RBM47: variants seen among roughly 807,000 people sequenced by gnomAD.
RBM47 encodes the protein RNA-binding protein 47.
In RBM47, 21 loss-of-function variants were observed where a neutral mutation model predicts 47.1. The observed-to-expected ratio is 0.45, with a 90% CI of 0.32 to 0.64. The LOEUF (loss-of-function observed/expected upper bound fraction) is 0.64. Ranked by LOEUF, RBM47 falls within the 30% of genes least tolerant of loss-of-function variation. The probability of loss-of-function intolerance (pLI) is 0.05; values close to 1 mark genes in which losing one functional copy is unlikely to be tolerated. For missense variants in RBM47, 708 were observed against 870.9 expected (o/e 0.81, Z 2.35); for synonymous variants, 375 against 361.7 (o/e 1.04, Z -0.42).
chr4:40,544,594 C>G (rs1028057321), intron 1 of RBM47, 88 bp from the exon 2 acceptor site: 1 of 152,062 alleles, frequency 6.6e-6, no homozygotes. Context: ...ACTGGGAGAG[C>G]GGGTGAGAAG....
rs1553874353 is a variant in RBM47 at position 40,423,422 on chromosome 4, CTTTT to C, written c.*2478_*2481del. 1.3e-5 allele frequency: 2 copies of C among 149,882 alleles called. No individual in the cohort carries two copies. Among genetic ancestry groups the C allele is most frequent in the Admixed American group, 6.6e-5 (1 of 15,038 alleles). The allele number at this position is 149,882 out of a possible 1,614,324, so 9.3% of individuals were successfully genotyped here. The stretch of plus-strand genomic sequence containing the variant: ...AATGTTTGAAAACAGAACTCTAAAA[CTTTT>C]TTTTTACATTTATATAGTTTGTTCT... On this transcript the variant is annotated 3_prime_UTR_variant, in exon 7 of 7. Transcript: ENST00000295971.
chr4:40,619,290 T>C (rs1017627451), intron 1 of RBM47, among the ~76,000 whole-genome samples: 1 of 151,964 alleles, frequency 6.6e-6, no homozygotes, highest in South Asian at 2.1e-4. Context: ...ATTAGCTGAG[T>C]ATGATTGTGT....
intron 1 of RBM47, among the ~76,000 whole-genome samples, chr4:40,551,679 C>T (rs1367096346): frequency 1.4e-5 from 2 of 146,516 alleles, no homozygotes; most frequent in African/African-American, 2.5e-5. Context: ...GACAGAGTCT[C>T]GCTCTCTTGC....
intron 3 of RBM47, among the ~76,000 whole-genome samples, chr4:40,456,489 T>C (rs1001637581): frequency 6.6e-6 from 1 of 151,856 alleles, no homozygotes; most frequent in Admixed American, 6.6e-5. Flanking sequence ...CTGTACATAC[T>C]ATTCCTATAT....
intron 6 of RBM47, 114 bp downstream of exon 6, chr4:40,432,537 T>C (rs1716316871): frequency 2.6e-6 from 4 of 1,525,112 alleles, no homozygotes; most frequent in Admixed American, 2.3e-5. Flanking sequence ...CACCCAACCA[T>C]AGCTGTAACA....
At chr4:40,477,530 T>C (rs370307336) in intron 2 of RBM47, among the ~76,000 whole-genome samples, 2 of 152,138 alleles carry the variant, frequency 1.3e-5, no homozygotes, top group East Asian at 3.9e-4. Context: ...TCTATAAGAG[T>C]AATTTAGTAT....
At chr4:40,464,163 T>C (rs73809042) in intron 3 of RBM47, among the ~76,000 whole-genome samples, 2,900 of 152,318 alleles carry the variant, frequency 0.019, 95 homozygotes, top group African/African-American at 0.066. Flanking sequence ...ATAAAAATGG[T>C]CAATAAATCG....
intron 2 of RBM47, among the ~76,000 whole-genome samples, chr4:40,493,923 A>C (rs949897432): frequency 1.3e-5 from 2 of 152,196 alleles, no homozygotes; most frequent in Admixed American, 1.3e-4. Context: ...TGGGCAACAG[A>C]GTGAGACCCT....
At chr4:40,460,314 T>C (rs1213066978) in intron 3 of RBM47, among the ~76,000 whole-genome samples, 1 of 151,734 alleles carries the variant, frequency 6.6e-6, no homozygotes, top group Non-Finnish European at 1.5e-5. Flanking sequence ...CACAAGGAAA[T>C]AGGCACATAA....
chr4:40,626,639 T>C (rs1737762542), intron 1 of RBM47, among the ~76,000 whole-genome samples: 2 of 152,292 alleles, frequency 1.3e-5, no homozygotes, highest in South Asian at 2.1e-4. Flanking sequence ...GAGCAAAAGA[T>C]ACGAGAACCT....
chr4:40,601,355 T>C (rs1735270290), intron 1 of RBM47, among the ~76,000 whole-genome samples: 1 of 152,146 alleles, frequency 6.6e-6, no homozygotes, highest in East Asian at 1.9e-4. Context: ...CTATCGCTAA[T>C]GTTGGAGAGG....
chr4:40,555,224 A>G (rs10938225), intron 1 of RBM47, among the ~76,000 whole-genome samples: 75,929 of 152,016 alleles, frequency 0.5, 22,362 homozygotes, highest in African/African-American at 0.83. Context: ...GAGCCACCAC[A>G]CCCGGCTTAA....
intron 2 of RBM47, among the ~76,000 whole-genome samples, chr4:40,516,572 TTTCTCC>T (rs1725606896): frequency 6.6e-6 from 1 of 152,152 alleles, no homozygotes; most frequent in African/African-American, 2.4e-5. Flanking sequence ...CATCATTCTA[TTTCTCC>T]TTCTACTATT....
chr4:40,603,035 T>C (rs977463380), intron 1 of RBM47, among the ~76,000 whole-genome samples: 1 of 152,062 alleles, frequency 6.6e-6, no homozygotes, highest in Middle Eastern at 3.2e-3. Context: ...AAAAAAAATT[T>C]TTTTTGAAGA....
At chr4:40,548,612 G>A (rs1215537788) in intron 1 of RBM47, among the ~76,000 whole-genome samples, 1 of 152,226 alleles carries the variant, frequency 6.6e-6, no homozygotes, top group African/African-American at 2.4e-5. Flanking sequence ...GGGTGACACT[G>A]CCCAAGGGCA....
chr4:40,623,622 T>G (rs1578089426), intron 1 of RBM47, among the ~76,000 whole-genome samples: 2 of 152,270 alleles, frequency 1.3e-5, no homozygotes, highest in South Asian at 4.1e-4. Context: ...GCGACGCTCC[T>G]GCCTCAGCCT....
chr4:40,553,290 TTTTTA>T (rs143886861), intron 1 of RBM47, among the ~76,000 whole-genome samples: 49 of 149,844 alleles, frequency 3.3e-4, no homozygotes, highest in African/African-American at 1.1e-3. Flanking sequence ...CATTATGTAT[TTTTTA>T]TTTTATTTTA....
intron 1 of RBM47, among the ~76,000 whole-genome samples, chr4:40,577,594 T>A (rs1732465383): frequency 6.6e-6 from 1 of 151,826 alleles, no homozygotes; most frequent in African/African-American, 2.4e-5. Flanking sequence ...TCCAATTTTT[T>A]TAAAAATCCT....
At chr4:40,523,917 C>T (rs1004117718) in intron 2 of RBM47, among the ~76,000 whole-genome samples, 4 of 151,520 alleles carry the variant, frequency 2.6e-5, no homozygotes, top group Non-Finnish European at 4.4e-5. Flanking sequence ...TGTCTGATTT[C>T]GCAAATAAAA....
Sources: gnomAD v4.1 joint callset for allele counts (sites outside exome capture counted in the v4.1 genomes callset) on GRCh38, gnomAD v4.1.1 for gene constraint, MANE v1.5 for transcripts, NCBI Gene and HGNC (gene_info 2026-07-23, HGNC 2026-07-21) for gene names.